The following HIVEP1 variants were observed in gnomAD, a reference collection of about 807,000 sequenced individuals.
The protein encoded by HIVEP1 is zinc finger protein 40.
A neutral mutation model predicts 180.0 loss-of-function variants in HIVEP1; 36 were observed. The ratio of observed to expected loss-of-function variants is 0.20; its 90% CI spans 0.15 to 0.26. HIVEP1 has a LOEUF of 0.26. HIVEP1 is among the 10% of genes least tolerant of loss of function. The probability of loss-of-function intolerance (pLI) is 1.00; values close to 1 mark genes in which losing one functional copy is unlikely to be tolerated. For synonymous variants in HIVEP1, 1,239 were observed against 1,239.0 expected (o/e 1.00, Z 0.00); for missense variants, 3,143 against 3,268.7 (o/e 0.96, Z 0.94).
chr6:12,061,176 CTA>C (rs976912236), intron 2 of HIVEP1, among the ~76,000 whole-genome samples: 1 of 152,118 alleles, frequency 6.6e-6, no homozygotes, highest in Non-Finnish European at 1.5e-5. Context: ...TGTGGATTCT[CTA>C]TGTGAAATGA....
chr6:12,105,872 T>C (rs1774392561), intron 3 of HIVEP1, among the ~76,000 whole-genome samples: 1 of 152,102 alleles, frequency 6.6e-6, no homozygotes, highest in South Asian at 2.1e-4. Context: ...TGAACTTATT[T>C]TGGTACATGC....
chr6:12,156,286 T>C (rs1397857417), intron 7 of HIVEP1, among the ~76,000 whole-genome samples: 1 of 151,938 alleles, frequency 6.6e-6, no homozygotes, highest in Non-Finnish European at 1.5e-5. Context: ...CCTTTTGGTG[T>C]TTTCGTCATA....
chr6:12,075,990 G>A lies in HIVEP1; in HGVS notation c.41-13194G>A, dbSNP rs1772324949. Among the ~76,000 whole-genome samples the A allele has an allele frequency of 3.9e-5, 6 of 152,306 alleles. No individual in the cohort carries two copies. In the South Asian group the frequency reaches 1.0e-3, roughly 26 times the overall value. ...GAATGAGGGCAAATAAGCTCCACCT[G>A]TTTTATAAGTTGATGTATCTTTTGT... is the stretch of plus-strand genomic sequence containing the variant. On this transcript the variant is annotated intron_variant, in intron 2 of 8. Coordinates refer to ENST00000379388, the MANE Select transcript of HIVEP1 (RefSeq NM_002114.4).
chr6:12,123,859 A>C lies in HIVEP1; in HGVS notation c.4064A>C (p.Asn1355Thr). The change falls in exon 4 of 9, where the codon AAT (asparagine) becomes ACT (threonine). Residue 1355 changes from asparagine to threonine, a missense_variant. Coordinates refer to ENST00000379388, the MANE Select transcript of HIVEP1 (RefSeq NM_002114.4). Reference sequence around the variant, plus strand: ...ATTCCAGCTGGCTTGAATACTCTGAATGTTCCTGGATGTCACCGGGAAATG... The same window carrying C: ...ATTCCAGCTGGCTTGAATACTCTGACTGTTCCTGGATGTCACCGGGAAATG... ...LMIPAGLNTL[N>T]VPGCHREMRR... The C allele has an allele frequency of 1.9e-6, 3 of 1,614,142 alleles. No individual in the cohort carries two copies. The highest frequency in any genetic ancestry group is 2.5e-6 in the Non-Finnish European group (3 of 1,179,988).
At chr6:12,181,669 C>G in the HIVEP1 span, among the ~76,000 whole-genome samples, 1 of 152,166 alleles carries the variant, frequency 6.6e-6, no homozygotes, top group African/African-American at 2.4e-5. Context: ...AGTAGATTCT[C>G]AAAACAACAG....
the HIVEP1 span, among the ~76,000 whole-genome samples, chr6:12,208,140 A>G: frequency 6.6e-6 from 1 of 152,214 alleles, no homozygotes; most frequent in Admixed American, 6.5e-5. Context: ...ATTCATGTTG[A>G]TATTTCCATA....
At chr6:12,039,408 A>G (rs1769514288) in intron 2 of HIVEP1, among the ~76,000 whole-genome samples, 1 of 152,238 alleles carries the variant, frequency 6.6e-6, no homozygotes. Flanking sequence ...AGTCAGAGCC[A>G]TGTGGAAGCT....
chr6:12,019,101 C>T (rs1768021202), intron 2 of HIVEP1, among the ~76,000 whole-genome samples: 6 of 152,298 alleles, frequency 3.9e-5, no homozygotes, highest in Admixed American at 3.3e-4. Flanking sequence ...TAGATTAGCT[C>T]TAGTAAGCAC....
the HIVEP1 span, among the ~76,000 whole-genome samples, chr6:12,203,286 G>C: frequency 6.6e-6 from 1 of 152,208 alleles, no homozygotes; most frequent in Non-Finnish European, 1.5e-5. Context: ...TTTTGATGCT[G>C]ATAAGGACAT....
chr6:12,162,322 A>T (rs572893247), intron 8 of HIVEP1, among the ~76,000 whole-genome samples: 44 of 151,908 alleles, frequency 2.9e-4, no homozygotes, highest in Non-Finnish European at 7.4e-5. Context: ...TGATGTGATG[A>T]TGGATTTTCA....
intron 7 of HIVEP1, among the ~76,000 whole-genome samples, chr6:12,145,164 T>C (rs1222405971): frequency 6.6e-6 from 1 of 152,196 alleles, no homozygotes; most frequent in Non-Finnish European, 1.5e-5. Flanking sequence ...ATGTGGCACA[T>C]ATTTACCATG....
At position 12,129,902 on chromosome 6, in the gene HIVEP1, A is replaced by C. The variant is rs779984357; in HGVS notation, c.6209+10A>C. 1 of 1,522,510 alleles carries C rather than the reference A, an allele frequency of 6.6e-7. No individual in the cohort carries two copies. Among genetic ancestry groups the C allele is most frequent in the South Asian group, 1.2e-5 (1 of 86,520 alleles). 94.3% of individuals were successfully genotyped at this position (1,522,510 alleles called of 1,614,324 possible). ...AAATATTTGATGGAGGGCAAGTACA[A>C]ATTTTACTTCTTAAATGTACATTTA... is the stretch of plus-strand genomic sequence containing the variant. On this transcript the variant is annotated intron_variant, in intron 5 of 8. Coordinates refer to ENST00000379388, the MANE Select transcript of HIVEP1 (RefSeq NM_002114.4).
rs1355086662 is a variant in HIVEP1, at chr6:12,063,116, A to C, written c.41-26068A>C. Among the ~76,000 whole-genome samples the C allele has an allele frequency of 2.0e-5, 3 of 152,220 alleles. No individual in the cohort carries two copies. The highest frequency in any genetic ancestry group is 2.9e-5 in the Non-Finnish European group (2 of 68,036). On this transcript the variant is annotated intron_variant, in intron 2 of 8. Transcript: ENST00000379388. This position sits in a 1 kb window ranked among gnomAD's most constrained non-coding sequence, Gnocchi z 4.2. ...AAATTATGTTTTACTCTTTTTGGAAATAGTTAATAGAATAAAAGGAGGAAT... is the reference window on the plus strand; with the variant it reads ...AAATTATGTTTTACTCTTTTTGGAACTAGTTAATAGAATAAAAGGAGGAAT...
upstream of HIVEP1, among the ~76,000 whole-genome samples, chr6:12,010,412 A>T (rs1195261944): frequency 6.6e-6 from 1 of 152,226 alleles, no homozygotes; most frequent in Non-Finnish European, 1.5e-5. Context: ...TTCTTAGCTC[A>T]AATGAGCCAG....
intron 1 of HIVEP1, among the ~76,000 whole-genome samples, chr6:12,014,403 T>C (rs1253821972): frequency 6.6e-6 from 1 of 152,208 alleles, no homozygotes; most frequent in East Asian, 1.9e-4. Flanking sequence ...AATGAATAAA[T>C]GATAGCTACC....
At chr6:12,112,130 T>C (rs1774936067) in intron 3 of HIVEP1, among the ~76,000 whole-genome samples, 1 of 152,186 alleles carries the variant, frequency 6.6e-6, no homozygotes, top group Non-Finnish European at 1.5e-5. Flanking sequence ...CTGAAAAAAA[T>C]CTTGCTATGG....
At chr6:12,074,643 T>TGTGTGTGTGTATATGTGTGTGC (rs573970756) in intron 2 of HIVEP1, among the ~76,000 whole-genome samples, 2 of 148,032 alleles carry the variant, frequency 1.4e-5, no homozygotes, top group South Asian at 2.1e-4. Context: ...TGTGTGTGTG[T>TGTGTGTGTGTATATGTGTGTGC]GCGCGCGCGT....
intron 2 of HIVEP1, among the ~76,000 whole-genome samples, chr6:12,040,564 C>G (rs187900416): frequency 6.6e-6 from 1 of 152,258 alleles, no homozygotes; most frequent in Non-Finnish European, 1.5e-5. Context: ...TTAATTGTTT[C>G]ACACACTCTT....
intron 3 of HIVEP1, among the ~76,000 whole-genome samples, chr6:12,104,593 T>G (rs1774320514): frequency 6.7e-6 from 1 of 148,572 alleles, no homozygotes; most frequent in African/African-American, 2.6e-5. Context: ...TTATATTTGT[T>G]TTTTGTTTTT....
Sources: gnomAD v4.1 joint callset for allele counts (sites outside exome capture counted in the v4.1 genomes callset) on GRCh38, gnomAD v4.1.1 for gene constraint, Gnocchi (gnomAD v3.1) non-coding constraint, MANE v1.5 for transcripts, NCBI Gene and HGNC (gene_info 2026-07-23, HGNC 2026-07-21) for gene names.